Variants in PLEKHA8 observed in about 807,000 individuals in gnomAD.
PLEKHA8 encodes the protein pleckstrin homology domain containing A8.
PLEKHA8 carries 36 observed loss-of-function variants against 68.2 expected under a neutral mutation model. The observed-to-expected ratio is 0.53, with a 90% CI of 0.40 to 0.70. The LOEUF (loss-of-function observed/expected upper bound fraction) is 0.70, where lower values mean the gene tolerates loss of function less well. Among genes scored for constraint, PLEKHA8 ranks in the 30% least tolerant of loss-of-function variants. The pLI, the probability that PLEKHA8 is intolerant of heterozygous loss-of-function variation, is 0.00. For missense variants in PLEKHA8, 505 were observed against 615.4 expected (o/e 0.82, Z 1.90); for synonymous variants, 211 against 216.1 (o/e 0.98, Z 0.20).
At chr7:30,098,823 G>A (rs962001527) in intron 13 of PLEKHA8, among the ~76,000 whole-genome samples, 9 of 152,206 alleles carry the variant, frequency 5.9e-5, no homozygotes, top group Non-Finnish European at 1.2e-4. Flanking sequence ...CGCATGGTGC[G>A]CTGCACCCAC....
intron 12 of PLEKHA8, among the ~76,000 whole-genome samples, chr7:30,063,714 C>G (rs954078853): frequency 6.6e-6 from 1 of 152,156 alleles, no homozygotes; most frequent in African/African-American, 2.4e-5. Context: ...GCTGACATTT[C>G]TATAGCACTT....
Position 30,082,922 on chromosome 7 carries a change from C to T in PLEKHA8, c.*4135C>T, listed in dbSNP as rs1389602791. The T allele has an allele frequency of 1.0e-6, 1 of 985,230 alleles. No homozygotes were observed. Among genetic ancestry groups the T allele is most frequent in the African/African-American group, 1.7e-5 (1 of 57,210 alleles). The allele number at this position is 985,230 out of a possible 1,614,324, so 61.0% of individuals were successfully genotyped here. A position where few individuals can be genotyped will look rare whatever the true frequency, so the allele number is the denominator to read the frequency against. ...AGCAAACTACCATGTCCTACAAGAACTTGGTTATATAATGGTGCGTCTCTG... is the reference window on the plus strand; with the variant it reads ...AGCAAACTACCATGTCCTACAAGAATTTGGTTATATAATGGTGCGTCTCTG... On this transcript the variant is annotated 3_prime_UTR_variant, in exon 14 of 14. Coordinates refer to ENST00000449726, the MANE Select transcript of PLEKHA8 (RefSeq NM_001197026.2).
intron 12 of PLEKHA8, among the ~76,000 whole-genome samples, chr7:30,069,277 G>A (rs1794077101): frequency 6.6e-6 from 1 of 152,206 alleles, no homozygotes; most frequent in Non-Finnish European, 1.5e-5. Context: ...GTCTAGTTGA[G>A]CACATTTGCA....
intron 8 of PLEKHA8, 81 bp downstream of exon 8, chr7:30,054,946 T>A (rs1792718649): frequency 1.2e-5 from 16 of 1,336,000 alleles, no homozygotes; most frequent in Non-Finnish European, 1.7e-5. Context: ...TCCTTTCAGG[T>A]GATGGCATAT....
intron 13 of PLEKHA8, among the ~76,000 whole-genome samples, chr7:30,126,480 T>A (rs1055084629): frequency 3.9e-5 from 6 of 152,248 alleles, no homozygotes; most frequent in Admixed American, 6.5e-5. Context: ...TTGTGTTTTT[T>A]AAAATAATAT....
intron 13 of PLEKHA8, among the ~76,000 whole-genome samples, chr7:30,104,000 A>G (rs1382167673): frequency 1.3e-5 from 2 of 152,230 alleles, no homozygotes; most frequent in East Asian, 3.8e-4. Context: ...CTACAACTCA[A>G]TAATAAAAAG....
intron 12 of PLEKHA8, among the ~76,000 whole-genome samples, chr7:30,071,297 G>A (rs530007004): frequency 3.9e-5 from 6 of 152,242 alleles, no homozygotes; most frequent in Admixed American, 3.9e-4. Context: ...GCAAGCTCTG[G>A]TGTTCTTCAG....
intron 1 of PLEKHA8, among the ~76,000 whole-genome samples, chr7:30,038,205 A>G (rs1490046083): frequency 6.6e-6 from 1 of 152,210 alleles, no homozygotes; most frequent in East Asian, 1.9e-4. Context: ...GATTACAATA[A>G]AAAACTGAAC....
Position 30,069,763 on chromosome 7 carries a change from C to G in PLEKHA8, c.1301-4308C>G, listed in dbSNP as rs151108313. 5.7e-4 allele frequency: 86 copies of G among 152,164 alleles called. 2 individuals are homozygous for G. Among genetic ancestry groups the G allele is most frequent in the African/African-American group, 2.0e-3 (81 of 41,522 alleles). 9.4% of individuals were successfully genotyped at this position (152,164 alleles called of 1,614,324 possible). On this transcript the variant is annotated intron_variant, in intron 12 of 13. Coordinates refer to ENST00000449726, the MANE Select transcript of PLEKHA8 (RefSeq NM_001197026.2). ...GTCTCATTGCTTTTAACTTTGTGACCTTGGGAAAGTCACTACCTTTCTGGG... is the reference window on the plus strand; with the variant it reads ...GTCTCATTGCTTTTAACTTTGTGACGTTGGGAAAGTCACTACCTTTCTGGG...
chr7:30,080,258 A>T lies in PLEKHA8; in HGVS notation c.*1471A>T, dbSNP rs1298527688. 1 of 985,280 alleles carries T rather than the reference A, an allele frequency of 1.0e-6. No individual in the cohort carries two copies. Among genetic ancestry groups the T allele is most frequent in the Non-Finnish European group, 1.2e-6 (1 of 829,930 alleles). 61.0% of individuals were successfully genotyped at this position (985,280 alleles called of 1,614,324 possible). On this transcript the variant is annotated 3_prime_UTR_variant, in exon 14 of 14. Transcript: ENST00000449726. ...AGTGGGCATTCTTCTGCACAGTGTG[A>T]TGCTCCAACCCTGGCCCTAGTCTCA...
At chr7:30,092,219 GT>G (rs1015354749), downstream of PLEKHA8, among the ~76,000 whole-genome samples, 4 of 152,202 alleles carry the variant, frequency 2.6e-5, no homozygotes, top group Admixed American at 2.6e-4. Context: ...ATTGTGCACA[GT>G]GTCTAGCACC....
Position 30,080,577 on chromosome 7 carries a change from A to T in PLEKHA8, c.*1790A>T. The T allele has an allele frequency of 1.0e-6, 1 of 985,394 alleles. No individual in the cohort carries two copies. The highest frequency in any genetic ancestry group is 1.2e-6 in the Non-Finnish European group (1 of 829,918). 61.0% of individuals were successfully genotyped at this position (985,394 alleles called of 1,614,324 possible). On this transcript the variant is annotated 3_prime_UTR_variant, in exon 14 of 14. Coordinates refer to ENST00000449726, the MANE Select transcript of PLEKHA8 (RefSeq NM_001197026.2). Reference sequence around the variant, plus strand: ...AAACAAATGAACATTTATTTAGCTCAGATTAATTAGGTATTTTGCCCACAT... The same window carrying T: ...AAACAAATGAACATTTATTTAGCTCTGATTAATTAGGTATTTTGCCCACAT...
chr7:30,085,610 TG>T (rs1795152381), downstream of PLEKHA8, among the ~76,000 whole-genome samples: 1 of 152,176 alleles, frequency 6.6e-6, no homozygotes, highest in Admixed American at 6.5e-5. Context: ...TGACTGGCAT[TG>T]GAGAGCTGTC....
chr7:30,118,157 A>C (rs1056256666), intron 13 of PLEKHA8: 3 of 707,310 alleles, frequency 4.2e-6, no homozygotes, highest in Non-Finnish European at 6.3e-6. Context: ...AAGCCCCGAG[A>C]TGCCTCCTGG....
At chr7:30,092,387 C>G (rs1413609993), downstream of PLEKHA8, among the ~76,000 whole-genome samples, 1 of 152,076 alleles carries the variant, frequency 6.6e-6, no homozygotes, top group Non-Finnish European at 1.5e-5. Context: ...ACTGCTGCCC[C>G]TAGTCTCCCC....
downstream of PLEKHA8, among the ~76,000 whole-genome samples, chr7:30,085,575 A>G (rs1271542899): frequency 6.6e-6 from 1 of 152,142 alleles, no homozygotes; most frequent in Non-Finnish European, 1.5e-5. Flanking sequence ...TTGTTTGTGC[A>G]TATTAGGATA....
chr7:30,065,922 C>T (rs1047341997), intron 12 of PLEKHA8, among the ~76,000 whole-genome samples: 16 of 151,640 alleles, frequency 1.1e-4, no homozygotes, highest in African/African-American at 3.6e-4. Flanking sequence ...GCAGACTATC[C>T]GGTTCCACCC....
At chr7:30,106,071 C>A (rs373801968) in intron 13 of PLEKHA8, among the ~76,000 whole-genome samples, 2 of 80,952 alleles carry the variant, frequency 2.5e-5, no homozygotes, top group Admixed American at 2.8e-4. Flanking sequence ...TTTTTTTTTT[C>A]TTTTTGAGGT....
In PLEKHA8 at chr7:30,078,755, G is replaced by A. The variant is rs758852731; in HGVS notation, c.1528G>A (p.Val510Ile). 2 of 1,613,520 alleles carry A rather than the reference G, an allele frequency of 1.2e-6. No homozygotes were observed. The highest frequency in any genetic ancestry group is 1.7e-6 in the Non-Finnish European group (2 of 1,179,718). ...GGCCATACTGGACACTTTATATGAG[G>A]TCCACGGGCTGGAATCTGATGAGGT... Reference protein sequence around the residue: ...QLAILDTLYEVHGLESDEVV With the variant: ...QLAILDTLYEIHGLESDEVV Residue 510 changes from valine to isoleucine, a missense_variant, in exon 14 of 14, where the codon GTC becomes ATC. Val to Ile is a conservative substitution (Grantham distance 29). Transcript: ENST00000449726.
Sources: allele counts gnomAD v4.1 joint callset (sites outside exome capture counted in the v4.1 genomes callset), GRCh38; gene constraint gnomAD v4.1.1; transcripts MANE v1.5; gene names NCBI Gene and HGNC (gene_info 2026-07-23, HGNC 2026-07-21).